FAM171B: variants seen among roughly 807,000 people sequenced by gnomAD.
FAM171B encodes protein FAM171B.
A neutral mutation model predicts 75.6 loss-of-function variants in FAM171B; 19 were observed. That is an observed-to-expected ratio of 0.25 (90% CI 0.18 to 0.37). The LOEUF (loss-of-function observed/expected upper bound fraction) is 0.37. Ranked by LOEUF, FAM171B falls within the 10% of genes least tolerant of loss-of-function variation. The probability of loss-of-function intolerance (pLI) is 1.00; values close to 1 mark genes in which losing one functional copy is unlikely to be tolerated. For synonymous variants in FAM171B, 367 were observed against 361.7 expected, an observed-to-expected ratio of 1.01 and a Z score of -0.17; for missense variants, 848 against 982.4, an observed-to-expected ratio of 0.86 and a Z score of 1.83.
intron 3 of FAM171B, among the ~76,000 whole-genome samples, chr2:186,746,175 C>T (rs1690362602): frequency 6.6e-6 from 1 of 152,068 alleles, no homozygotes; most frequent in Admixed American, 6.6e-5. Context: ...CTGTTGATTA[C>T]AGAAATATCA....
At chr2:186,697,812 TTTA>T (rs1426291335) in intron 1 of FAM171B, among the ~76,000 whole-genome samples, 1 of 152,172 alleles carries the variant, frequency 6.6e-6, no homozygotes, top group East Asian at 1.9e-4. Flanking sequence ...TTCTCTGGAT[TTTA>T]TTATTCTAAA....
chr2:186,751,393 C>G, intron 5 of FAM171B, 89 bp downstream of exon 5: 1 of 1,201,706 alleles, frequency 8.3e-7, no homozygotes, highest in Non-Finnish European at 1.1e-6. Context: ...TGATACAGCT[C>G]TAGTTTTTTA....
chr2:186,761,022 C>A, intron 6 of FAM171B, 91 bp from the exon 7 acceptor site: 1 of 1,330,252 alleles, frequency 7.5e-7, no homozygotes, highest in Non-Finnish European at 1.0e-6. Context: ...AAAGTATGTA[C>A]ACTTATTCAA....
At chr2:186,757,119 T>C (rs1351252443) in intron 6 of FAM171B, among the ~76,000 whole-genome samples, 1 of 152,090 alleles carries the variant, frequency 6.6e-6, no homozygotes, top group East Asian at 1.9e-4. Flanking sequence ...TAACTTAATC[T>C]CCAGCCATTC....
chr2:186,708,209 T>C (rs953106163), intron 1 of FAM171B, among the ~76,000 whole-genome samples: 1 of 152,120 alleles, frequency 6.6e-6, no homozygotes, highest in East Asian at 1.9e-4. Context: ...GGGACTGAAG[T>C]GGTCAAAGTA....
At chr2:186,704,349 A>G (rs963900027) in intron 1 of FAM171B, among the ~76,000 whole-genome samples, 4 of 152,220 alleles carry the variant, frequency 2.6e-5, no homozygotes, top group East Asian at 1.9e-4. Flanking sequence ...TTAAAAAAAC[A>G]GAAGTATTCC....
intron 1 of FAM171B, among the ~76,000 whole-genome samples, chr2:186,709,640 A>G (rs912862269): frequency 6.6e-6 from 1 of 152,162 alleles, no homozygotes; most frequent in Admixed American, 6.6e-5. Flanking sequence ...CCACACGAAT[A>G]CAACACAGAC....
intron 6 of FAM171B, among the ~76,000 whole-genome samples, chr2:186,754,988 A>T (rs1281889447): frequency 6.6e-6 from 1 of 152,154 alleles, no homozygotes; most frequent in Non-Finnish European, 1.5e-5. Context: ...ATTGTCCACT[A>T]GGGAAGATCT....
In FAM171B at chr2:186,722,517, T is replaced by G. The variant is rs1417454447; in HGVS notation, c.239-17711T>G. On this transcript the variant is annotated intron_variant, in intron 1 of 7. Coordinates refer to ENST00000304698, the MANE Select transcript of FAM171B (RefSeq NM_177454.4). Reference sequence around the variant, plus strand: ...TTATTCTGTGATCAACTGTTTCACATTTTAATGTTTTTGAAACTTGAATGC... The same window carrying G: ...TTATTCTGTGATCAACTGTTTCACAGTTTAATGTTTTTGAAACTTGAATGC... Among the ~76,000 whole-genome samples the G allele has an allele frequency of 2.6e-5, 4 of 152,216 alleles. No individual in the cohort carries two copies. The East Asian group carries it at 7.7e-4, about 29-fold the overall frequency.
intron 1 of FAM171B, among the ~76,000 whole-genome samples, chr2:186,738,563 G>A (rs1258692635): frequency 2.6e-5 from 4 of 152,112 alleles, no homozygotes; most frequent in Non-Finnish European, 2.9e-5. Flanking sequence ...GTAAGACAAA[G>A]ATAGAAGTTC....
At chr2:186,708,851 G>A (rs1021537494) in intron 1 of FAM171B, among the ~76,000 whole-genome samples, 6 of 152,090 alleles carry the variant, frequency 3.9e-5, no homozygotes, top group African/African-American at 7.2e-5. Context: ...CAAATATCAC[G>A]ATATACTTAG....
At chr2:186,711,233 G>T (rs1055380457) in intron 1 of FAM171B, among the ~76,000 whole-genome samples, 1 of 152,090 alleles carries the variant, frequency 6.6e-6, no homozygotes, top group African/African-American at 2.4e-5. Flanking sequence ...TTGTATGAAG[G>T]TAACAATTTA....
Position 186,717,987 on chromosome 2 carries a change from A to G in FAM171B, c.239-22241A>G, listed in dbSNP as rs143368950. Among the ~76,000 whole-genome samples, 344 of 152,288 alleles carry G rather than the reference A, an allele frequency of 2.3e-3. 1 individual carries two copies. Among genetic ancestry groups the G allele is most frequent in the African/African-American group, 7.9e-3 (328 of 41,562 alleles). On this transcript the variant is annotated intron_variant, in intron 1 of 7. Coordinates refer to ENST00000304698, the MANE Select transcript of FAM171B (RefSeq NM_177454.4). ...AATTATTAGGTGCTCAATAAATGTTATTATAAATAAATGAATATTATTTAT... is the reference window on the plus strand; with the variant it reads ...AATTATTAGGTGCTCAATAAATGTTGTTATAAATAAATGAATATTATTTAT...
At chr2:186,738,748 T>C (rs1468153210) in intron 1 of FAM171B, among the ~76,000 whole-genome samples, 1 of 152,148 alleles carries the variant, frequency 6.6e-6, no homozygotes, top group Non-Finnish European at 1.5e-5. Context: ...AAAATGTATT[T>C]TCCTTAAGAG....
intron 1 of FAM171B, among the ~76,000 whole-genome samples, chr2:186,712,162 T>C (rs1374988249): frequency 6.6e-6 from 1 of 152,204 alleles, no homozygotes; most frequent in Non-Finnish European, 1.5e-5. Context: ...ATTTATGTAT[T>C]TGCTCCCAAA....
intron 1 of FAM171B, among the ~76,000 whole-genome samples, chr2:186,732,688 C>T (rs952269479): frequency 2.0e-5 from 3 of 152,174 alleles, no homozygotes; most frequent in Admixed American, 6.5e-5. Context: ...ATTCTTCCTG[C>T]GGAGTGGGCT....
chr2:186,701,561 T>A (rs1400479061), intron 1 of FAM171B, among the ~76,000 whole-genome samples: 2 of 152,202 alleles, frequency 1.3e-5, no homozygotes, highest in Non-Finnish European at 2.9e-5. Flanking sequence ...ATTTACTTAC[T>A]TTTTTCTGTT....
chr2:186,725,977 A>G (rs1690026459), intron 1 of FAM171B, among the ~76,000 whole-genome samples: 3 of 152,218 alleles, frequency 2.0e-5, no homozygotes, highest in Admixed American at 2.0e-4. Context: ...CCGGAGTCCA[A>G]ATAGTAATGG....
At chr2:186,719,032 A>G (rs1032472397) in intron 1 of FAM171B, among the ~76,000 whole-genome samples, 11 of 152,190 alleles carry the variant, frequency 7.2e-5, no homozygotes, top group East Asian at 5.8e-4. Flanking sequence ...AAGGCACTCA[A>G]TGTTCTCATA....
Sources: gnomAD v4.1 joint callset for allele counts (sites outside exome capture counted in the v4.1 genomes callset) on GRCh38, gnomAD v4.1.1 for gene constraint, MANE v1.5 for transcripts, NCBI Gene and HGNC (gene_info 2026-07-23, HGNC 2026-07-21) for gene names.